Variants in SHQ1 observed in about 807,000 individuals in gnomAD.
The protein encoded by SHQ1 is protein SHQ1 homolog.
Under a neutral mutation model 53.8 loss-of-function variants are expected in SHQ1, and 49 were observed. The ratio of observed to expected loss-of-function variants is 0.91; its 90% CI spans 0.72 to 1.16. SHQ1 has a LOEUF of 1.16. SHQ1 is among the 50% of genes most tolerant of loss of function. The pLI is 0.00. For synonymous variants in SHQ1, 243 were observed against 251.0 expected (o/e 0.97, Z 0.30); for missense variants, 738 against 683.1 (o/e 1.08, Z -0.90).
At chr3:72,834,217 C>T (rs1265998147) in intron 4 of SHQ1, among the ~76,000 whole-genome samples, 1 of 152,146 alleles carries the variant, frequency 6.6e-6, no homozygotes, top group Non-Finnish European at 1.5e-5. Flanking sequence ...TAAAAAGGGT[C>T]CAGAGACCTT....
intron 6 of SHQ1, among the ~76,000 whole-genome samples, chr3:72,819,389 T>C (rs913570865): frequency 1.3e-5 from 2 of 152,226 alleles, no homozygotes; most frequent in African/African-American, 4.8e-5. Flanking sequence ...ACTGACTTTG[T>C]TTATGGTACC....
intron 10 of SHQ1, among the ~76,000 whole-genome samples, chr3:72,763,829 T>C (rs1705661149): frequency 6.6e-6 from 1 of 152,140 alleles, no homozygotes; most frequent in African/African-American, 2.4e-5. Flanking sequence ...CACCTTGATT[T>C]TGGAATTCTA....
In SHQ1 at chr3:72,749,433, T is replaced by C. The variant is rs1257680472; in HGVS notation, c.*851A>G. On this transcript the variant is annotated 3_prime_UTR_variant, in exon 11 of 11. Coordinates refer to ENST00000325599, the MANE Select transcript of SHQ1 (RefSeq NM_018130.3). ...AAAACTCGTGACACATGCTACCACATGGATGAATCTCAAAATAACTATACT... is the reference window on the plus strand; with the variant it reads ...AAAACTCGTGACACATGCTACCACACGGATGAATCTCAAAATAACTATACT... 3.2e-5 allele frequency: 7 copies of C among 220,252 alleles called. No homozygotes were observed. Among genetic ancestry groups the C allele is most frequent in the African/African-American group, 1.3e-4 (6 of 44,620 alleles). The allele number at this position is 220,252 out of a possible 1,614,324, so 13.6% of individuals were successfully genotyped here. A position where few individuals can be genotyped will look rare whatever the true frequency, so the allele number is the denominator to read the frequency against.
intron 10 of SHQ1, among the ~76,000 whole-genome samples, chr3:72,771,597 A>G (rs1332502873): frequency 1.3e-5 from 2 of 152,222 alleles, no homozygotes; most frequent in African/African-American, 4.8e-5. Context: ...GAAGCATTTT[A>G]TTTAAACTGG....
chr3:72,836,176 A>G (rs1043191604), intron 4 of SHQ1, among the ~76,000 whole-genome samples: 2 of 152,194 alleles, frequency 1.3e-5, no homozygotes, highest in African/African-American at 4.8e-5. Context: ...CTCTCATGGG[A>G]AGGAGAACTG....
intron 10 of SHQ1, among the ~76,000 whole-genome samples, chr3:72,777,542 G>GTAA (rs1405075828): frequency 6.6e-6 from 1 of 152,190 alleles, no homozygotes; most frequent in Non-Finnish European, 1.5e-5. Context: ...TCTGAACCAT[G>GTAA]TAAGTGTTGG....
intron 9 of SHQ1, among the ~76,000 whole-genome samples, chr3:72,805,031 A>C (rs1380196224): frequency 6.6e-6 from 1 of 152,240 alleles, no homozygotes; most frequent in African/African-American, 2.4e-5. Context: ...GCTATGGTAT[A>C]GCCAGTATAG....
chr3:72,768,114 C>T (rs1017212413), intron 10 of SHQ1, among the ~76,000 whole-genome samples: 1 of 152,154 alleles, frequency 6.6e-6, no homozygotes, highest in Non-Finnish European at 1.5e-5. Flanking sequence ...AGCTGCAGAT[C>T]CCACCTGCTT....
At chr3:72,755,642 A>G (rs962851625) in intron 10 of SHQ1, among the ~76,000 whole-genome samples, 2 of 152,124 alleles carry the variant, frequency 1.3e-5, no homozygotes, top group South Asian at 4.2e-4. Flanking sequence ...TCCTGTAGGG[A>G]AAAAAAATTA....
chr3:72,830,657 T>G (rs987960162), intron 5 of SHQ1, among the ~76,000 whole-genome samples: 1 of 152,172 alleles, frequency 6.6e-6, no homozygotes, highest in Non-Finnish European at 1.5e-5. Context: ...AAAGTCTTAC[T>G]GCTATCAGAA....
chr3:72,844,945 G>C (rs1412257072), intron 1 of SHQ1, among the ~76,000 whole-genome samples: 1 of 152,096 alleles, frequency 6.6e-6, no homozygotes. Flanking sequence ...GTTTAAACTT[G>C]AGTTCCATCC....
chr3:72,833,926 A>G (rs762269814), intron 4 of SHQ1, among the ~76,000 whole-genome samples: 6 of 152,262 alleles, frequency 3.9e-5, no homozygotes, highest in African/African-American at 7.2e-5. Flanking sequence ...TTAGCTGAAA[A>G]GAAATCAAGG....
chr3:72,788,788 G>A (rs886739552), intron 10 of SHQ1, among the ~76,000 whole-genome samples: 9 of 152,090 alleles, frequency 5.9e-5, no homozygotes, highest in Admixed American at 2.6e-4. Context: ...CCCCAACCCC[G>A]TGCTCTCTGA....
rs148000772 is a variant in SHQ1 at position 72,755,969 on chromosome 3, G to A, written c.1182-5133C>T. Among the ~76,000 whole-genome samples, 751 of 152,292 alleles carry A rather than the reference G, an allele frequency of 4.9e-3. 2 individuals are homozygous for A. The highest frequency in any genetic ancestry group is 6.9e-3 in the Non-Finnish European group (467 of 68,020). On this transcript the variant is annotated intron_variant, in intron 10 of 10. Coordinates refer to ENST00000325599, the MANE Select transcript of SHQ1 (RefSeq NM_018130.3). Reference sequence around the variant, plus strand: ...TCTGGAGTGCAGTGGTGCAATCAGCGCTCCCTGTAGCTTTGACCTCCTGGG... The same window carrying A: ...TCTGGAGTGCAGTGGTGCAATCAGCACTCCCTGTAGCTTTGACCTCCTGGG...
At chr3:72,729,286 AG>A in the SHQ1 span, among the ~76,000 whole-genome samples, 2 of 152,206 alleles carry the variant, frequency 1.3e-5, no homozygotes, top group African/African-American at 4.8e-5. Flanking sequence ...CGTGAGTCAC[AG>A]GCCTCCGAAC....
rs754970077 is a variant in SHQ1, at chr3:72,837,813, T to TA, written c.486+3231dup. 4.6e-5 allele frequency among the ~76,000 whole-genome samples: 7 copies of TA among 152,382 alleles called. No individual in the cohort carries two copies. In the East Asian group the frequency reaches 7.7e-4, roughly 17 times the overall value. On this transcript the variant is annotated intron_variant, in intron 4 of 10. Transcript: ENST00000325599. ...TTTGAACCACTTGTTACGGCTGCCA[T>TA]AAACAGCAGCTGTGAATGAAGAAGA...
chr3:72,765,696 G>A (rs1323644814), intron 10 of SHQ1, among the ~76,000 whole-genome samples: 1 of 151,386 alleles, frequency 6.6e-6, no homozygotes, highest in African/African-American at 2.4e-5. Flanking sequence ...TGGGATTACA[G>A]GCACGTGCCA....
At chr3:72,736,792 C>CAA in the SHQ1 span, among the ~76,000 whole-genome samples, 7,643 of 105,090 alleles carry the variant, frequency 0.073, 403 homozygotes, top group Middle Eastern at 0.11. Context: ...GACTCCGTTT[C>CAA]AAAAAAAAAA....
Position 72,824,463 on chromosome 3 carries a change from A to G in SHQ1, c.688T>C (p.Leu230=). 1 of 1,612,698 alleles carries G rather than the reference A, an allele frequency of 6.2e-7. No homozygotes were observed. ...TDKYSKMMAF[L]EKSQEQENHA... ...TTTTCTTGTTCCTGACTCTTTTCCA[A>G]AAAGGCCATCATTTTTGAATATTTG... The change falls in exon 6 of 11, where the codon TTG becomes CTG. Residue 230 remains leucine (L), a synonymous_variant. Coordinates refer to ENST00000325599, the MANE Select transcript of SHQ1 (RefSeq NM_018130.3).
Sources: allele counts gnomAD v4.1 joint callset (sites outside exome capture counted in the v4.1 genomes callset), GRCh38; gene constraint gnomAD v4.1.1; transcripts MANE v1.5; gene names NCBI Gene and HGNC (gene_info 2026-07-23, HGNC 2026-07-21).